Variants in UGT1A10 observed in about 807,000 individuals in gnomAD.
The protein encoded by UGT1A10 is UDP-glucuronosyltransferase 1A10.
In UGT1A10, 49 loss-of-function variants were observed where a neutral mutation model predicts 45.8. The ratio of observed to expected loss-of-function variants is 1.07; its 90% CI spans 0.85 to 1.36. The LOEUF is 1.36. UGT1A10 is among the 40% of genes most tolerant of loss of function. The probability of loss-of-function intolerance (pLI) is 0.00; values close to 1 mark genes in which losing one functional copy is unlikely to be tolerated. For synonymous variants in UGT1A10, 284 were observed against 249.7 expected (o/e 1.14, Z -1.29); for missense variants, 745 against 668.6 (o/e 1.11, Z -1.26).
At chr2:233,713,712 A>G (rs1296913167) in intron 1 of UGT1A10, 2 of 1,613,852 alleles carry the variant, frequency 1.2e-6, no homozygotes, top group East Asian at 2.2e-5. Flanking sequence ...GCTTTTTCAG[A>G]GAGAGGTGTC....
chr2:233,685,608 A>G (rs1180252725), intron 1 of UGT1A10, among the ~76,000 whole-genome samples: 1 of 152,228 alleles, frequency 6.6e-6, no homozygotes, highest in Non-Finnish European at 1.5e-5. Flanking sequence ...AAGATTATTT[A>G]TTTCAACTTT....
At chr2:233,729,133 A>G in intron 1 of UGT1A10, 1 of 1,613,236 alleles carries the variant, frequency 6.2e-7, no homozygotes, top group Non-Finnish European at 8.5e-7. Flanking sequence ...TGAGATGGCC[A>G]CAGGACTCCA....
At chr2:233,736,684 C>G (rs2078792768) in intron 1 of UGT1A10, among the ~76,000 whole-genome samples, 1 of 152,148 alleles carries the variant, frequency 6.6e-6, no homozygotes, top group Non-Finnish European at 1.5e-5. Flanking sequence ...ATGTTGGTGA[C>G]CTACAGATGG....
chr2:233,665,028 G>A (rs1353746253), intron 1 of UGT1A10, among the ~76,000 whole-genome samples: 2 of 152,114 alleles, frequency 1.3e-5, no homozygotes, highest in Admixed American at 6.5e-5. Flanking sequence ...TAGTAGTTTT[G>A]TGTGCATCAT....
At chr2:233,696,152 T>C (rs753392711) in intron 1 of UGT1A10, among the ~76,000 whole-genome samples, 1 of 152,196 alleles carries the variant, frequency 6.6e-6, no homozygotes, top group Non-Finnish European at 1.5e-5. Context: ...GCTGGGTATA[T>C]ATCCAAAAGA....
chr2:233,661,968 A>C (rs1222576566), intron 1 of UGT1A10, among the ~76,000 whole-genome samples: 1 of 152,100 alleles, frequency 6.6e-6, no homozygotes, highest in East Asian at 1.9e-4. Context: ...TGAACTGTAC[A>C]CATGGAGATG....
intron 1 of UGT1A10, chr2:233,761,153 T>C (rs772088902): frequency 6.2e-7 from 1 of 1,614,188 alleles, no homozygotes; most frequent in Non-Finnish European, 8.5e-7. Flanking sequence ...CTATCCCAGG[T>C]GTGTATTGGA....
chr2:233,678,674 G>A (rs936840231), intron 1 of UGT1A10, among the ~76,000 whole-genome samples: 4 of 152,164 alleles, frequency 2.6e-5, no homozygotes, highest in African/African-American at 9.7e-5. Flanking sequence ...GGCTTGTATT[G>A]TGTAAGGCCA....
chr2:233,760,868 C>T (rs1697593103), intron 1 of UGT1A10: 1 of 1,614,100 alleles, frequency 6.2e-7, no homozygotes, highest in East Asian at 2.2e-5. Flanking sequence ...TCCTACGTGC[C>T]CAGGCCTCTC....
At chr2:233,665,947 G>A (rs1333117717) in intron 1 of UGT1A10, among the ~76,000 whole-genome samples, 1 of 152,156 alleles carries the variant, frequency 6.6e-6, no homozygotes, top group Admixed American at 6.5e-5. Flanking sequence ...AACACTGGAT[G>A]TCTTAGTCCG....
intron 1 of UGT1A10, among the ~76,000 whole-genome samples, chr2:233,694,915 T>C (rs1391653118): frequency 6.6e-6 from 1 of 152,254 alleles, no homozygotes; most frequent in Non-Finnish European, 1.5e-5. Flanking sequence ...ACGTATACAA[T>C]GTGCGATGAT....
In UGT1A10 at chr2:233,671,885, A is replaced by G. The variant is rs369568035; in HGVS notation, c.855+34508A>G. 2.6e-6 allele frequency: 4 copies of G among 1,559,510 alleles called. No individual in the cohort carries two copies. In the African/African-American group the frequency reaches 5.4e-5, roughly 21 times the overall value. ...TGCTGGTATTTCTCCCACCTACTGTATCATAGGAGCTTAGATTCCCAGCTG... is the reference window on the plus strand; with the variant it reads ...TGCTGGTATTTCTCCCACCTACTGTGTCATAGGAGCTTAGATTCCCAGCTG... On this transcript the variant is annotated intron_variant, in intron 1 of 4. Transcript: ENST00000344644.
chr2:233,693,588 G>T, intron 1 of UGT1A10: 1 of 1,614,206 alleles, frequency 6.2e-7, no homozygotes, highest in Non-Finnish European at 8.5e-7. Context: ...ATTCCCAGGT[G>T]CTACACAAAG....
Position 233,772,413 on chromosome 2 carries a change from T to G in UGT1A10, c.1447T>G (p.Tyr483Asp), listed in dbSNP as rs34993780. 159 of 1,614,182 alleles carry G rather than the reference T, an allele frequency of 9.9e-5. No homozygotes were observed. In the East Asian group the frequency reaches 2.1e-3, roughly 21 times the overall value. Reference sequence around the variant, plus strand: ...AGCCCACGACCTCACCTGGTACCAGTACCATTCCTTGGACGTGATTGGTTT... The same window carrying G: ...AGCCCACGACCTCACCTGGTACCAGGACCATTCCTTGGACGTGATTGGTTT... ...PAAHDLTWYQ[Y>D]HSLDVIGFLL... The change falls in exon 5 of 5, where the codon TAC becomes GAC. Residue 483 changes from tyrosine to aspartate, a missense_variant. By Grantham distance (160) the Tyr-to-Asp change is radical (BLOSUM62 -3). Transcript: ENST00000344644.
chr2:233,763,100 C>T (rs888370802), intron 1 of UGT1A10, among the ~76,000 whole-genome samples: 9 of 152,128 alleles, frequency 5.9e-5, no homozygotes, highest in Non-Finnish European at 7.3e-5. Context: ...GGAGAGGCAC[C>T]GAACTTTATC....
rs1262132657 is a variant in UGT1A10 at position 233,717,698 on chromosome 2, A to G, written c.856-49336A>G. 9.0e-6 allele frequency: 4 copies of G among 446,168 alleles called. No homozygotes were observed. In the Admixed American group the frequency reaches 9.5e-5, roughly 11 times the overall value. The allele number at this position is 446,168 out of a possible 1,614,324, so 27.6% of individuals were successfully genotyped here. A position where few individuals can be genotyped will look rare whatever the true frequency, so the allele number is the denominator to read the frequency against. On this transcript the variant is annotated intron_variant, in intron 1 of 4. Transcript: ENST00000344644. Reference sequence around the variant, plus strand: ...AGCACATGTAGGAGTGACTTTCTGGAGCAGGACGAGCCTCATGGGCATGAG... The same window carrying G: ...AGCACATGTAGGAGTGACTTTCTGGGGCAGGACGAGCCTCATGGGCATGAG...
At chr2:233,651,026 C>G (rs1292452180) in intron 1 of UGT1A10, among the ~76,000 whole-genome samples, 4 of 152,144 alleles carry the variant, frequency 2.6e-5, no homozygotes, top group Admixed American at 2.6e-4. Context: ...TTTTAGCCAA[C>G]TCATGGGAAA....
intron 1 of UGT1A10, among the ~76,000 whole-genome samples, chr2:233,710,136 G>C (rs2076112958): frequency 6.6e-6 from 1 of 152,178 alleles, no homozygotes; most frequent in African/African-American, 2.4e-5. Context: ...GCATTTCATT[G>C]TATAGATATA....
At chr2:233,695,195 A>G (rs773449261) in intron 1 of UGT1A10, among the ~76,000 whole-genome samples, 1 of 145,992 alleles carries the variant, frequency 6.8e-6, no homozygotes, top group Non-Finnish European at 1.5e-5. Flanking sequence ...GTGCGATCTC[A>G]GCCCACTGCA....
Sources: gnomAD v4.1 joint callset for allele counts (sites outside exome capture counted in the v4.1 genomes callset) on GRCh38, gnomAD v4.1.1 for gene constraint, MANE v1.5 for transcripts, NCBI Gene and HGNC (gene_info 2026-07-23, HGNC 2026-07-21) for gene names.